The following FBH1 variants were observed in gnomAD, a reference collection of about 807,000 sequenced individuals.
FBH1 encodes DNA 3'-5' helicase 1.
FBH1 carries 43 observed loss-of-function variants against 115.5 expected under a neutral mutation model. The observed-to-expected ratio is 0.37, with a 90% CI of 0.29 to 0.48. FBH1 has a LOEUF of 0.48. FBH1 is among the 20% of genes least tolerant of loss of function. The probability of loss-of-function intolerance (pLI) is 0.99; values close to 1 mark genes in which losing one functional copy is unlikely to be tolerated. For missense variants in FBH1, 1,001 were observed against 1,337.3 expected (o/e 0.75, Z 3.92); for synonymous variants, 524 against 507.8 (o/e 1.03, Z -0.43).
At chr10:5,907,438 G>T (rs1843768629) in intron 3 of FBH1, among the ~76,000 whole-genome samples, 1 of 150,200 alleles carries the variant, frequency 6.7e-6, no homozygotes, top group South Asian at 2.1e-4. Context: ...TTGACCCATT[G>T]GTTGTTTTAA....
chr10:5,916,002 TAGC>T (rs1174332492), intron 9 of FBH1: 1 of 547,976 alleles, frequency 1.8e-6, no homozygotes, highest in Non-Finnish European at 3.3e-6. Flanking sequence ...CATGGTGGAA[TAGC>T]AGTGTCTGCC....
In FBH1 at chr10:5,923,883, C is replaced by G. The variant is rs555421962; in HGVS notation, c.2398+187C>G. The stretch of plus-strand genomic sequence containing the variant: ...TTTTCATAGGTACTGACAGATTTTT[C>G]CAGATCCTCCTCACAGGAGCCTCAG... On this transcript the variant is annotated intron_variant, in intron 16 of 20. Transcript: ENST00000362091. This position sits in a 1 kb window ranked among gnomAD's most constrained non-coding sequence, Gnocchi z 5.7. The G allele has an allele frequency of 3.3e-6, 2 of 597,718 alleles. No individual in the cohort carries two copies. The highest frequency in any genetic ancestry group is 3.1e-5 in the Admixed American group (1 of 32,470). The allele number at this position is 597,718 out of a possible 1,614,324, so 37.0% of individuals were successfully genotyped here.
At chr10:5,899,845 GAAC>G (rs1843232850) in intron 1 of FBH1, among the ~76,000 whole-genome samples, 2 of 152,210 alleles carry the variant, frequency 1.3e-5, no homozygotes, top group Admixed American at 6.5e-5. Flanking sequence ...TTTAAAAAGA[GAAC>G]AACAAGACTT....
At position 5,921,013 on chromosome 10, in the gene FBH1, T is replaced by A. The variant is rs1479618257; in HGVS notation, c.2101-245T>A. Among the ~76,000 whole-genome samples, 1 of 152,154 alleles carries A rather than the reference T, an allele frequency of 6.6e-6. No individual in the cohort carries two copies. Among genetic ancestry groups the A allele is most frequent in the Non-Finnish European group, 1.5e-5 (1 of 68,012 alleles). Reference sequence around the variant, plus strand: ...TTGTATGATTTAGACTTCACTAGATTTGATTTGGAGAAAAGGGTAGATTTG... The same window carrying A: ...TTGTATGATTTAGACTTCACTAGATATGATTTGGAGAAAAGGGTAGATTTG... On this transcript the variant is annotated intron_variant, in intron 13 of 20. Coordinates refer to ENST00000362091, the MANE Select transcript of FBH1 (RefSeq NM_178150.3). The surrounding 1 kb of genome is among the most constrained non-coding windows in gnomAD (Gnocchi z 6.4).
At position 5,921,421 on chromosome 10, in the gene FBH1, C is replaced by T. The variant is rs1832307350; in HGVS notation, c.2201-27C>T. The T allele has an allele frequency of 6.2e-7, 1 of 1,610,028 alleles. No individual in the cohort carries two copies. Among genetic ancestry groups the T allele is most frequent in the African/African-American group, 1.3e-5 (1 of 74,440 alleles). ...AGTTTTCCTCTTTATTTCAATTTGC[C>T]ATAGAGTTTGTGCTCTCTCCCTAAA... On this transcript the variant is annotated intron_variant, in intron 14 of 20. Transcript: ENST00000362091. The surrounding 1 kb of genome is among the most constrained non-coding windows in gnomAD (Gnocchi z 6.4).
chr10:5,898,409 G>A (rs776962249), intron 1 of FBH1, among the ~76,000 whole-genome samples: 37 of 151,322 alleles, frequency 2.4e-4, no homozygotes, highest in East Asian at 3.9e-4. Flanking sequence ...TCCTAGAACC[G>A]CATTTTTTTT....
At position 5,897,278 on chromosome 10, in the gene FBH1, G is replaced by A. The variant is rs541421886; in HGVS notation, c.2-5742G>A. On this transcript the variant is annotated intron_variant, in intron 1 of 20. Transcript: ENST00000362091. The surrounding 1 kb of genome is among the most constrained non-coding windows in gnomAD (Gnocchi z 4.7). Reference sequence around the variant, plus strand: ...TCGTTTTCATAAGCAAGGCTTTGGCGATGAATATACCTGCCAAGTGTGGGT... The same window carrying A: ...TCGTTTTCATAAGCAAGGCTTTGGCAATGAATATACCTGCCAAGTGTGGGT... Among the ~76,000 whole-genome samples the A allele has an allele frequency of 1.3e-5, 2 of 152,300 alleles. No homozygotes were observed. The highest frequency in any genetic ancestry group is 2.1e-4 in the South Asian group (1 of 4,828).
In FBH1 at chr10:5,906,080, C is replaced by T. The variant is rs61757391; in HGVS notation, c.201C>T (p.Gly67=). 24 of 1,612,298 alleles carry T rather than the reference C, an allele frequency of 1.5e-5. No homozygotes were observed. The highest frequency in any genetic ancestry group is 2.0e-5 in the Non-Finnish European group (24 of 1,178,570). Residue 67 remains glycine (G), a synonymous_variant, in exon 3 of 21, where the codon GGC becomes GGT. Transcript: ENST00000362091. The surrounding 1 kb of genome is among the most constrained non-coding windows in gnomAD (Gnocchi z 7.3). ...GCATCCCTGAGTTCTTCCTAGCAGG[C>T]AAGCAGCCGTGCACCAATGACATGG... is the stretch of plus-strand genomic sequence containing the variant. ...QRCIPEFFLA[G]KQPCTNDMAK...
chr10:5,909,795 G>T lies in FBH1; in HGVS notation c.1020+501G>T, dbSNP rs906640833. Among the ~76,000 whole-genome samples the T allele has an allele frequency of 6.6e-6, 1 of 152,178 alleles. No homozygotes were observed. Among genetic ancestry groups the T allele is most frequent in the Admixed American group, 6.5e-5 (1 of 15,282 alleles). On this transcript the variant is annotated intron_variant, in intron 5 of 20. Transcript: ENST00000362091. The surrounding 1 kb of genome is among the most constrained non-coding windows in gnomAD (Gnocchi z 4.4). ...TCCCAGATTTTATCTTCGAAGCTACGTGCAACCTCTGCGTGTGTTTTACTG... is the reference window on the plus strand; with the variant it reads ...TCCCAGATTTTATCTTCGAAGCTACTTGCAACCTCTGCGTGTGTTTTACTG...
chr10:5,908,599 T>C (rs1004434640), intron 3 of FBH1, among the ~76,000 whole-genome samples: 17 of 152,000 alleles, frequency 1.1e-4, no homozygotes, highest in Non-Finnish European at 2.5e-4. Context: ...ATCTGCTTTT[T>C]TTCTTTCTTT....
rs1307122201 is a variant in FBH1, at chr10:5,915,546, A to T, written c.1540A>T (p.Met514Leu). ...CGTCATCTGCAAAACCTTCCACTCC[A>T]TGGCCTACGGGCACATAGGGCGGAA... ...SNVICKTFHS[M>L]AYGHIGRKYQ... Residue 514 changes from methionine (M) to leucine (L), a missense_variant, in exon 9 of 21, where the codon ATG (methionine) becomes TTG (leucine). Met to Leu is a conservative substitution (Grantham distance 15, BLOSUM62 2). Transcript: ENST00000362091. The surrounding 1 kb of genome is among the most constrained non-coding windows in gnomAD (Gnocchi z 5.2). The T allele has an allele frequency of 1.2e-6, 2 of 1,614,168 alleles. No homozygotes were observed. The highest frequency in any genetic ancestry group is 4.5e-5 in the East Asian group (2 of 44,884).
In FBH1 at chr10:5,935,595, T is replaced by C. The variant is rs1352689434; in HGVS notation, c.2830-861T>C. 1 of 152,266 alleles carries C rather than the reference T, an allele frequency of 6.6e-6. No homozygotes were observed. The highest frequency in any genetic ancestry group is 1.5e-5 in the Non-Finnish European group (1 of 68,056). The allele number at this position is 152,266 out of a possible 1,614,324, so 9.4% of individuals were successfully genotyped here. A position where few individuals can be genotyped will look rare whatever the true frequency, so the allele number is the denominator to read the frequency against. On this transcript the variant is annotated intron_variant, in intron 19 of 20. Coordinates refer to ENST00000362091, the MANE Select transcript of FBH1 (RefSeq NM_178150.3). The surrounding 1 kb of genome is among the most constrained non-coding windows in gnomAD (Gnocchi z 5.2). ...GCTGTTAGTACTTGTTGGCCATAAC[T>C]GGAGTGTTTGCCTGGTGGTTTTCTG...
chr10:5,898,736 C>A (rs1718854597), intron 1 of FBH1, among the ~76,000 whole-genome samples: 1 of 152,170 alleles, frequency 6.6e-6, no homozygotes, highest in African/African-American at 2.4e-5. Flanking sequence ...CATACCGTCA[C>A]CTTGCGGGTG....
Position 5,933,727 on chromosome 10 carries a change from C to T in FBH1, c.2830-2729C>T, listed in dbSNP as rs1205047719. Among the ~76,000 whole-genome samples the T allele has an allele frequency of 2.0e-5, 3 of 152,068 alleles. No homozygotes were observed. The highest frequency in any genetic ancestry group is 3.4e-3 in the Middle Eastern group (1 of 294). On this transcript the variant is annotated intron_variant, in intron 19 of 20. Coordinates refer to ENST00000362091, the MANE Select transcript of FBH1 (RefSeq NM_178150.3). The surrounding 1 kb of genome is among the most constrained non-coding windows in gnomAD (Gnocchi z 4.9). ...GTGTGATCTTGGCTCACCGCAACCT[C>T]GGCCTCCTGGGTTCAAGCTGTTCTC...
Position 5,922,199 on chromosome 10 carries a change from A to G in FBH1, c.2322+630A>G, listed in dbSNP as rs569383813. Among the ~76,000 whole-genome samples, 6 of 152,366 alleles carry G rather than the reference A, an allele frequency of 3.9e-5. No homozygotes were observed. The East Asian group carries it at 1.2e-3, about 29-fold the overall frequency. ...GTGAATATAGTAGTGAATCATAATC[A>G]AAAGGTGTTTTAAGTTTTTTGTTTA... On this transcript the variant is annotated intron_variant, in intron 15 of 20. Coordinates refer to ENST00000362091, the MANE Select transcript of FBH1 (RefSeq NM_178150.3).
In FBH1 at chr10:5,909,196, C is replaced by T. The variant is rs1191594773; in HGVS notation, c.922C>T (p.Pro308Ser). Reference protein sequence around the residue: ...ATTKCSPSVDPERVLWSLRDH... With the variant: ...ATTKCSPSVDSERVLWSLRDH... Reference sequence around the variant, plus strand: ...CACTAAGTGCTCTCCGAGTGTGGATCCCGAGAGGGTGCTGTGGAGTCTGAG... The same window carrying T: ...CACTAAGTGCTCTCCGAGTGTGGATTCCGAGAGGGTGCTGTGGAGTCTGAG... The change falls in exon 5 of 21, where the codon CCC becomes TCC. Residue 308 changes from proline (P) to serine (S), a missense_variant. Pro to Ser is a moderately conservative substitution (Grantham distance 74, BLOSUM62 -1). Transcript: ENST00000362091. This position sits in a 1 kb window ranked among gnomAD's most constrained non-coding sequence, Gnocchi z 4.4. 1 of 1,613,716 alleles carries T rather than the reference C, an allele frequency of 6.2e-7. No individual in the cohort carries two copies. The highest frequency in any genetic ancestry group is 8.5e-7 in the Non-Finnish European group (1 of 1,180,026).
intron 1 of FBH1, among the ~76,000 whole-genome samples, chr10:5,898,165 A>G (rs1206261889): frequency 6.6e-6 from 1 of 152,200 alleles, no homozygotes; most frequent in Non-Finnish European, 1.5e-5. Flanking sequence ...ACAAAATACC[A>G]TAACTGGGCC....
In FBH1 at chr10:5,913,839, G is replaced by A. The variant is rs1831759691; in HGVS notation, c.1304G>A (p.Gly435Asp). Residue 435 changes from glycine (G) to aspartate (D), a missense_variant and splice_region_variant, in exon 7 of 21, where the codon GGC (glycine) becomes GAC (aspartate). Around this residue, in one of 4 missense-constraint regions of FBH1, gnomAD observed 521 missense variants for 811.0 expected, o/e 0.64. Transcript: ENST00000362091. This position sits in a 1 kb window ranked among gnomAD's most constrained non-coding sequence, Gnocchi z 4.4. ...KVKEEPSVWP[G>D]KKTIQLTHEQ... Reference sequence around the variant, plus strand: ...AAAGAGGAGCCATCTGTCTGGCCAGGGTATGTGTATATGTGCGTCAGCGTG... The same window carrying A: ...AAAGAGGAGCCATCTGTCTGGCCAGAGTATGTGTATATGTGCGTCAGCGTG... 1 of 1,596,726 alleles carries A rather than the reference G, an allele frequency of 6.3e-7. No homozygotes were observed. Among genetic ancestry groups the A allele is most frequent in the Non-Finnish European group, 8.5e-7 (1 of 1,173,646 alleles).
rs1234831516 is a variant in FBH1 at position 5,911,366 on chromosome 10, A to C, written c.1211+238A>C. 1.3e-5 allele frequency among the ~76,000 whole-genome samples: 2 copies of C among 152,168 alleles called. No individual in the cohort carries two copies. Among genetic ancestry groups the C allele is most frequent in the African/African-American group, 2.4e-5 (1 of 41,434 alleles). Reference sequence around the variant, plus strand: ...CGGCTGCGAGATACCACTAAGGCTGATTTTACCATCATGGGTCCTGCAGCC... The same window carrying C: ...CGGCTGCGAGATACCACTAAGGCTGCTTTTACCATCATGGGTCCTGCAGCC... On this transcript the variant is annotated intron_variant, in intron 6 of 20. Transcript: ENST00000362091. The surrounding 1 kb of genome is among the most constrained non-coding windows in gnomAD (Gnocchi z 5.4).
Sources: gnomAD v4.1 joint callset for allele counts (sites outside exome capture counted in the v4.1 genomes callset) on GRCh38, gnomAD v4.1.1 for gene constraint, gnomAD v4.1.1 regional missense constraint, Gnocchi (gnomAD v3.1) non-coding constraint, MANE v1.5 for transcripts, NCBI Gene and HGNC (gene_info 2026-07-23, HGNC 2026-07-21) for gene names.